The following EGLN1 variants were observed in gnomAD, a reference collection of about 807,000 sequenced individuals.
EGLN1 encodes the protein egl nine homolog 1.
In EGLN1, 17 loss-of-function variants were observed where a neutral mutation model predicts 38.3. The ratio of observed to expected loss-of-function variants is 0.44; its 90% confidence interval spans 0.30 to 0.67. The LOEUF is 0.67. Ranked by LOEUF, EGLN1 falls within the 30% of genes least tolerant of loss-of-function variation. The probability of loss-of-function intolerance (pLI) is 0.08; values close to 1 mark genes in which losing one functional copy is unlikely to be tolerated. For synonymous variants in EGLN1, 283 were observed against 257.5 expected (o/e 1.10, Z -0.95); for missense variants, 477 against 603.3 (o/e 0.79, Z 2.19).
chr1:231,383,566 C>T (rs1175414648), intron 1 of EGLN1, among the ~76,000 whole-genome samples: 2 of 152,122 alleles, frequency 1.3e-5, no homozygotes, highest in African/African-American at 4.8e-5. Context: ...CTGTTCTGTA[C>T]AGGGAAAAGA....
chr1:231,420,696 A>G (rs1325136319), intron 1 of EGLN1, among the ~76,000 whole-genome samples: 1 of 152,152 alleles, frequency 6.6e-6, no homozygotes, highest in African/African-American at 2.4e-5. Flanking sequence ...ATTGTGACCA[A>G]TAGTGGAATG....
intron 1 of EGLN1, among the ~76,000 whole-genome samples, chr1:231,378,419 A>AT: frequency 6.6e-6 from 1 of 151,956 alleles, no homozygotes; most frequent in South Asian, 2.1e-4. Flanking sequence ...AAACAATACT[A>AT]TTTTTTTCTT....
intron 1 of EGLN1, among the ~76,000 whole-genome samples, chr1:231,418,839 G>A (rs1343565126): frequency 6.8e-6 from 1 of 147,000 alleles, no homozygotes; most frequent in African/African-American, 2.5e-5. Context: ...TCCAGCCAGG[G>A]CAACAAAGCA....
At chr1:231,384,912 C>T (rs11802489) in intron 1 of EGLN1, among the ~76,000 whole-genome samples, 1 of 152,212 alleles carries the variant, frequency 6.6e-6, no homozygotes, top group Non-Finnish European at 1.5e-5. Flanking sequence ...TTTTTACCAT[C>T]TGGCCCTTGA....
At chr1:231,366,668 C>T (rs1486742430) in intron 4 of EGLN1, among the ~76,000 whole-genome samples, 193 bp from the exon 5 acceptor site, 7 of 152,152 alleles carry the variant, frequency 4.6e-5, no homozygotes, top group African/African-American at 1.7e-4. Flanking sequence ...AATAGTAAAC[C>T]TTCAAGGATA....
chr1:231,417,223 TAATTAAC>T (rs1341261490), intron 1 of EGLN1, among the ~76,000 whole-genome samples: 3 of 146,360 alleles, frequency 2.0e-5, no homozygotes, highest in Admixed American at 2.0e-4. Flanking sequence ...CAGACCTAAC[TAATTAAC>T]TACAGTAATA....
chr1:231,388,476 TGTCTCGCTCTCTGTCTGTCTCA>T (rs1301925227), intron 1 of EGLN1, among the ~76,000 whole-genome samples: 1 of 152,122 alleles, frequency 6.6e-6, no homozygotes, highest in Non-Finnish European at 1.5e-5. Context: ...TGTCTGTCTC[TGTCTCGCTCTCTGTCTGTCTCA>T]GTCTCACTCT....
chr1:231,392,310 AAAAT>A (rs1175540055), intron 1 of EGLN1, among the ~76,000 whole-genome samples: 2 of 152,124 alleles, frequency 1.3e-5, no homozygotes, highest in Non-Finnish European at 2.9e-5. Flanking sequence ...AAATAAAATA[AAAAT>A]AAATAAAGCA....
Position 231,378,448 on chromosome 1 carries a change from T to C in EGLN1, c.892-4349A>G, listed in dbSNP as rs1052646960. On this transcript the variant is annotated intron_variant, in intron 1 of 4. Transcript: ENST00000366641. Reference sequence around the variant, plus strand: ...TTTTCTTTTCTGATATGAAAATATATATGATTAAGGATGTTCTTTTTTACG... The same window carrying C: ...TTTTCTTTTCTGATATGAAAATATACATGATTAAGGATGTTCTTTTTTACG... 3.9e-5 allele frequency among the ~76,000 whole-genome samples: 6 copies of C among 152,152 alleles called. No individual in the cohort carries two copies. In the South Asian group the frequency reaches 8.3e-4, roughly 21 times the overall value.
chr1:231,419,977 G>A (rs1315764387), intron 1 of EGLN1, among the ~76,000 whole-genome samples: 2 of 152,320 alleles, frequency 1.3e-5, no homozygotes, highest in Non-Finnish European at 2.9e-5. Flanking sequence ...GATGGTGGAG[G>A]AGGGTGGCCT....
rs1374223948 is a variant in EGLN1, at chr1:231,410,074, T to C, written c.891+10924A>G. On this transcript the variant is annotated intron_variant, in intron 1 of 4. Transcript: ENST00000366641. ...ATAGTAACATTTAAGGGGCAGACAC[T>C]GCCAAGGAAGAACTGACGTAAGAAC... Among the ~76,000 whole-genome samples the C allele has an allele frequency of 2.0e-5, 3 of 152,302 alleles. No homozygotes were observed. In the East Asian group the frequency reaches 5.8e-4, roughly 30 times the overall value.
chr1:231,415,512 A>T (rs1301572021), intron 1 of EGLN1, among the ~76,000 whole-genome samples: 5 of 152,148 alleles, frequency 3.3e-5, no homozygotes, highest in Admixed American at 3.3e-4. Context: ...GATCATTCTA[A>T]GCCCTTTTTT....
chr1:231,400,234 G>C (rs1388327748), intron 1 of EGLN1, among the ~76,000 whole-genome samples: 5 of 152,054 alleles, frequency 3.3e-5, no homozygotes, highest in African/African-American at 9.7e-5. Context: ...AGAATTCTCA[G>C]ACCCAAATGT....
intron 1 of EGLN1, among the ~76,000 whole-genome samples, chr1:231,410,708 G>GT (rs1303716200): frequency 6.6e-6 from 1 of 151,918 alleles, no homozygotes; most frequent in Non-Finnish European, 1.5e-5. Flanking sequence ...AACTACCATT[G>GT]TAAGTTGAGG....
chr1:231,403,191 C>T (rs1013911330), intron 1 of EGLN1, among the ~76,000 whole-genome samples: 3 of 152,118 alleles, frequency 2.0e-5, no homozygotes, highest in African/African-American at 7.2e-5. Flanking sequence ...CTCATATGTA[C>T]TTGCAAATAA....
At chr1:231,398,506 A>G (rs1228609105) in intron 1 of EGLN1, among the ~76,000 whole-genome samples, 1 of 152,202 alleles carries the variant, frequency 6.6e-6, no homozygotes, top group African/African-American at 2.4e-5. Flanking sequence ...GAACACAGTC[A>G]CACTTACGTG....
At position 231,421,354 on chromosome 1, in the gene EGLN1, G is replaced by GGCC; in HGVS notation, c.532_534dup (p.Gly178dup). 6.2e-6 allele frequency: 10 copies of GGCC among 1,609,960 alleles called. No homozygotes were observed. The highest frequency in any genetic ancestry group is 8.5e-6 in the Non-Finnish European group (10 of 1,178,230). On this transcript the variant is annotated inframe_insertion, in exon 1 of 5. Coordinates refer to ENST00000366641, the MANE Select transcript of EGLN1 (RefSeq NM_022051.3). This position sits in a 1 kb window ranked among gnomAD's most constrained non-coding sequence, Gnocchi z 5.5. ...GGCTTCGTCTGCCCGTTGGGCCGCA[G>GGCC]GCCGCCGCCGGGGCTCAGCGCATCC...
chr1:231,418,488 A>G (rs1188381591), intron 1 of EGLN1, among the ~76,000 whole-genome samples: 1 of 152,230 alleles, frequency 6.6e-6, no homozygotes, highest in Non-Finnish European at 1.5e-5. Flanking sequence ...CCAGGGTTAT[A>G]GTAAGTGGTA....
At chr1:231,369,661 TAATC>T (rs1193957263) in intron 3 of EGLN1, 11 of 907,748 alleles carry the variant, frequency 1.2e-5, no homozygotes, top group East Asian at 2.4e-4. Flanking sequence ...GCACAGCTGA[TAATC>T]AAGTCGTTAG....
Sources: gnomAD v4.1 joint callset for allele counts (sites outside exome capture counted in the v4.1 genomes callset) on GRCh38, gnomAD v4.1.1 for gene constraint, Gnocchi (gnomAD v3.1) non-coding constraint, MANE v1.5 for transcripts, NCBI Gene and HGNC (gene_info 2026-07-23, HGNC 2026-07-21) for gene names.